ROS1: variants seen among roughly 807,000 people sequenced by gnomAD.
ROS1 encodes the protein proto-oncogene tyrosine-protein kinase ROS.
Under a neutral mutation model 273.5 loss-of-function variants are expected in ROS1, and 263 were observed. The ratio of observed to expected loss-of-function variants is 0.96; its 90% CI spans 0.87 to 1.06. The LOEUF is 1.06. ROS1 is among the 50% of genes least tolerant of loss of function. The probability of loss-of-function intolerance (pLI) is 0.00; values close to 1 mark genes in which losing one functional copy is unlikely to be tolerated. For missense variants in ROS1, 2,833 were observed against 2,751.1 expected, an observed-to-expected ratio of 1.03 and a Z score of -0.67; for synonymous variants, 1,008 against 954.1, an observed-to-expected ratio of 1.06 and a Z score of -1.04.
chr6:117,389,559 A>G lies in ROS1; in HGVS notation c.1577T>C (p.Ile526Thr). The G allele has an allele frequency of 6.2e-7, 1 of 1,614,252 alleles. No individual in the cohort carries two copies. The highest frequency in any genetic ancestry group is 8.5e-7 in the Non-Finnish European group (1 of 1,180,040). ...AAAAGACAAAGCATCCTGTTGGAAAATGACCTTGCCATCTGTGACAAGAAA... is the reference window on the plus strand; with the variant it reads ...AAAAGACAAAGCATCCTGTTGGAAAGTGACCTTGCCATCTGTGACAAGAAA... ...NDFLVTDGKV[I>T]FQQDALSFNE... is the part of the protein sequence containing the mutation. The change falls in exon 13 of 44, where the codon ATT (isoleucine) becomes ACT (threonine). Residue 526 changes from isoleucine (I) to threonine (T), a missense_variant. Transcript: ENST00000368507.
chr6:117,394,644 C>G lies in ROS1; in HGVS notation c.978G>C (p.Arg326=). The part of the protein sequence containing the change: ...KHLVDEAHCL[R]LDAIYHNITG... ...TAATATTATGGTATATAGCATCCAACCGAAGGCAATGTGCTTCATCTACTA... is the reference window on the plus strand; with the variant it reads ...TAATATTATGGTATATAGCATCCAAGCGAAGGCAATGTGCTTCATCTACTA... The change falls in exon 10 of 44, where the codon CGG becomes CGC. Residue 326 remains arginine (R), a synonymous_variant. Coordinates refer to ENST00000368507, the MANE Select transcript of ROS1 (RefSeq NM_001378902.1). The G allele has an allele frequency of 2.5e-6, 4 of 1,611,544 alleles. No homozygotes were observed. Among genetic ancestry groups the G allele is most frequent in the Non-Finnish European group, 2.5e-6 (3 of 1,178,350 alleles).
At chr6:117,424,546 G>T (rs999812616) in intron 1 of ROS1, among the ~76,000 whole-genome samples, 12 of 151,716 alleles carry the variant, frequency 7.9e-5, no homozygotes, top group Admixed American at 2.6e-4. Context: ...TTTTAAGTTT[G>T]GGTTACAAAT....
At chr6:117,346,926 G>T (rs1371631856) in intron 27 of ROS1, among the ~76,000 whole-genome samples, 1 of 152,018 alleles carries the variant, frequency 6.6e-6, no homozygotes, top group Non-Finnish European at 1.5e-5. Flanking sequence ...CAGCCTTCTC[G>T]CAACTAGTGA....
At chr6:117,327,612 C>T (rs1776737751) in intron 33 of ROS1, among the ~76,000 whole-genome samples, 1 of 152,148 alleles carries the variant, frequency 6.6e-6, no homozygotes, top group Admixed American at 6.5e-5. Flanking sequence ...TTATCATCTC[C>T]ATTTTACAGA....
intron 32 of ROS1, among the ~76,000 whole-genome samples, chr6:117,333,569 C>T (rs1301093820): frequency 1.3e-5 from 2 of 152,178 alleles, no homozygotes; most frequent in South Asian, 2.1e-4. Context: ...ACCTGATGAA[C>T]ATTGATGTAA....
At chr6:117,393,411 T>C in intron 11 of ROS1, 90 bp from the exon 12 acceptor site, 1 of 891,650 alleles carries the variant, frequency 1.1e-6, no homozygotes, top group Non-Finnish European at 1.8e-6. Flanking sequence ...ATCTGTTCTG[T>C]TGGAATTGTA....
chr6:117,389,289 A>C, intron 13 of ROS1, 61 bp downstream of exon 13: 1 of 1,518,390 alleles, frequency 6.6e-7, no homozygotes, highest in Admixed American at 2.2e-5. Context: ...AACGCCAAGC[A>C]GTTCAAACCT....
chr6:117,416,126 T>C lies in ROS1; in HGVS notation c.228+132A>G, dbSNP rs9282838. ...ATTATCCAGGCTATTGGTTTTTTAGTTTTGTTTTGTTTTGTCTTAGGGTCA... is the reference window on the plus strand; with the variant it reads ...ATTATCCAGGCTATTGGTTTTTTAGCTTTGTTTTGTTTTGTCTTAGGGTCA... On this transcript the variant is annotated intron_variant, in intron 3 of 43. Coordinates refer to ENST00000368507, the MANE Select transcript of ROS1 (RefSeq NM_001378902.1). 7.0e-3 allele frequency: 4,461 copies of C among 637,582 alleles called. 26 individuals carry two copies. Among genetic ancestry groups the C allele is most frequent in the Non-Finnish European group, 8.0e-3 (2,804 of 352,224 alleles). 39.5% of individuals were successfully genotyped at this position (637,582 alleles called of 1,614,324 possible).
chr6:117,380,269 T>C (rs543059374), intron 17 of ROS1, among the ~76,000 whole-genome samples: 1 of 152,230 alleles, frequency 6.6e-6, no homozygotes, highest in Non-Finnish European at 1.5e-5. Context: ...AAGACTACAA[T>C]AAGGTATCCA....
intron 18 of ROS1, among the ~76,000 whole-genome samples, chr6:117,378,497 A>G (rs1382265407): frequency 1.6e-4 from 25 of 152,196 alleles, no homozygotes; most frequent in Admixed American, 1.2e-3. Flanking sequence ...TGTGTCTCAA[A>G]ATGCATTTGT....
chr6:117,327,698 T>A (rs1776744984), intron 33 of ROS1, among the ~76,000 whole-genome samples: 1 of 152,212 alleles, frequency 6.6e-6, no homozygotes, highest in Non-Finnish European at 1.5e-5. Context: ...AGTCATGTCC[T>A]CCCAAAATTC....
intron 4 of ROS1, among the ~76,000 whole-genome samples, chr6:117,413,000 G>A (rs1182714418): frequency 6.6e-6 from 1 of 151,770 alleles, no homozygotes; most frequent in Non-Finnish European, 1.5e-5. Flanking sequence ...TTTACATATG[G>A]GTGACTTTTC....
rs1562291015 is a variant in ROS1, at chr6:117,341,569, CAAGATATAATGAGG to C, written c.4701_4714del (p.Ser1567ArgfsTer11). ...TCCATTTGGCTTGTGAGATTCTCTCCAAGATATAATGAGGCTGGTGTCTGACCGCACAGTTGTAT... is the reference window on the plus strand; with the variant it reads ...TCCATTTGGCTTGTGAGATTCTCTCCCTGGTGTCTGACCGCACAGTTGTAT... On this transcript the variant is annotated frameshift_variant, in exon 30 of 44. Transcript: ENST00000368507. LOFTEE classifies it high-confidence loss of function. 2 of 1,613,674 alleles carry C rather than the reference CAAGATATAATGAGG, an allele frequency of 1.2e-6. No individual in the cohort carries two copies. Among genetic ancestry groups the C allele is most frequent in the Admixed American group, 3.3e-5 (2 of 59,968 alleles).
At chr6:117,385,200 A>G (rs1401993178) in intron 16 of ROS1, among the ~76,000 whole-genome samples, 1 of 152,192 alleles carries the variant, frequency 6.6e-6, no homozygotes, top group Non-Finnish European at 1.5e-5. Flanking sequence ...ATTATTGGGG[A>G]AAAAATACCT....
At chr6:117,367,828 T>A (rs903452527) in intron 18 of ROS1, among the ~76,000 whole-genome samples, 1 of 152,084 alleles carries the variant, frequency 6.6e-6, no homozygotes, top group African/African-American at 2.4e-5. Flanking sequence ...AAGATTGATT[T>A]AAAAAAATCA....
intron 4 of ROS1, among the ~76,000 whole-genome samples, chr6:117,410,231 G>T (rs757104788): frequency 6.6e-6 from 1 of 152,132 alleles, no homozygotes; most frequent in Non-Finnish European, 1.5e-5. Flanking sequence ...GTGTCACATC[G>T]TATGGTTTGA....
At chr6:117,326,091 T>TTA (rs56113300) in intron 34 of ROS1, 133 bp downstream of exon 34, 8,424 of 147,296 alleles carry the variant, frequency 0.057, 246 homozygotes, top group African/African-American at 0.066. Context: ...GATAATAAGA[T>TTA]TATATATATA....
chr6:117,293,712 G>T (rs1433765254), intron 43 of ROS1, among the ~76,000 whole-genome samples: 1 of 152,070 alleles, frequency 6.6e-6, no homozygotes, highest in Non-Finnish European at 1.5e-5. Flanking sequence ...TCATTTTTAT[G>T]GTTGTAAAAT....
At chr6:117,409,254 G>A (rs538198638) in intron 5 of ROS1, among the ~76,000 whole-genome samples, 4 of 151,770 alleles carry the variant, frequency 2.6e-5, no homozygotes, top group African/African-American at 9.7e-5. Context: ...AAAAAAACTG[G>A]CATTCTCTGA....
Sources: gnomAD v4.1 joint callset for allele counts (sites outside exome capture counted in the v4.1 genomes callset) on GRCh38, gnomAD v4.1.1 for gene constraint, MANE v1.5 for transcripts, NCBI Gene and HGNC (gene_info 2026-07-23, HGNC 2026-07-21) for gene names.